The following RPS6KA1 variants were observed in gnomAD, a reference collection of about 807,000 sequenced individuals.
RPS6KA1 encodes ribosomal protein S6 kinase alpha-1.
A neutral mutation model predicts 91.3 loss-of-function variants in RPS6KA1; 48 were observed. That is an observed-to-expected ratio of 0.53 (90% CI 0.42 to 0.67). RPS6KA1 has a LOEUF of 0.67. RPS6KA1 is among the 30% of genes least tolerant of loss of function. The pLI, the probability that RPS6KA1 is intolerant of heterozygous loss-of-function variation, is 0.00. For synonymous variants in RPS6KA1, 359 were observed against 384.7 expected, an observed-to-expected ratio of 0.93 and a Z score of 0.78; for missense variants, 719 against 960.5, an observed-to-expected ratio of 0.75 and a Z score of 3.32.
chr1:26,558,994 C>T lies in RPS6KA1; in HGVS notation c.1215+57C>T. 5 of 1,575,274 alleles carry T rather than the reference C, an allele frequency of 3.2e-6. No individual in the cohort carries two copies. Among genetic ancestry groups the T allele is most frequent in the Non-Finnish European group, 4.3e-6 (5 of 1,153,038 alleles). On this transcript the variant is annotated intron_variant, in intron 14 of 21. Coordinates refer to ENST00000374168, the MANE Select transcript of RPS6KA1 (RefSeq NM_002953.4). This position sits in a 1 kb window ranked among gnomAD's most constrained non-coding sequence, Gnocchi z 4.0. ...TCCTTTTCTAAAGAATGGCTGAGTA[C>T]ACAGGCTCTGAGTTGGACAGAACCA...
Position 26,557,001 on chromosome 1 carries a change from C to A in RPS6KA1, c.985C>A (p.Leu329Ile). The A allele has an allele frequency of 1.2e-6, 2 of 1,613,494 alleles. No individual in the cohort carries two copies. The highest frequency in any genetic ancestry group is 1.7e-6 in the Non-Finnish European group (2 of 1,179,440). Residue 329 changes from leucine (L) to isoleucine (I), a missense_variant, in exon 13 of 22, where the codon CTA becomes ATA. Leu to Ile is a conservative substitution (Grantham distance 5). Coordinates refer to ENST00000374168, the MANE Select transcript of RPS6KA1 (RefSeq NM_002953.4). ...GAGTGCCCACCCCACTGTGCAGAAG[C>A]TATACCGTCGTGAGATCAAGCCACC... ...VFYSTIDWNK[L>I]YRREIKPPFK...
chr1:26,531,337 CA>C (rs1393528440), intron 1 of RPS6KA1: 2 of 152,378 alleles, frequency 1.3e-5, no homozygotes, highest in Non-Finnish European at 2.9e-5. Flanking sequence ...CCTGTACTGC[CA>C]CCCCGCTACT....
rs987402717 is a variant in RPS6KA1 at position 26,551,348 on chromosome 1, C to T, written c.308-49C>T. Reference sequence around the variant, plus strand: ...TCCCTTAGCGGGGGCTTGGGAGTGGCTGTGTTGAGTGTCTAGGCTACTGGT... The same window carrying T: ...TCCCTTAGCGGGGGCTTGGGAGTGGTTGTGTTGAGTGTCTAGGCTACTGGT... On this transcript the variant is annotated intron_variant, in intron 4 of 21. Coordinates refer to ENST00000374168, the MANE Select transcript of RPS6KA1 (RefSeq NM_002953.4). This position sits in a 1 kb window ranked among gnomAD's most constrained non-coding sequence, Gnocchi z 4.5. 2.6e-6 allele frequency: 4 copies of T among 1,529,796 alleles called. No homozygotes were observed. Among genetic ancestry groups the T allele is most frequent in the Non-Finnish European group, 3.6e-6 (4 of 1,104,428 alleles). The allele number at this position is 1,529,796 out of a possible 1,614,324, so 94.8% of individuals were successfully genotyped here. A position where few individuals can be genotyped will look rare whatever the true frequency, so the allele number is the denominator to read the frequency against.
Position 26,555,793 on chromosome 1 carries a change from G to C in RPS6KA1, c.916+168G>C, listed in dbSNP as rs2076096230. 6.6e-6 allele frequency among the ~76,000 whole-genome samples: 1 copy of C among 152,134 alleles called. No individual in the cohort carries two copies. The highest frequency in any genetic ancestry group is 2.1e-4 in the South Asian group (1 of 4,826). Reference sequence around the variant, plus strand: ...TGGCTCCATGTGTGGTGTTGTGGAGGGGGGAGTTGACCTGTGTGTAGGGGG... The same window carrying C: ...TGGCTCCATGTGTGGTGTTGTGGAGCGGGGAGTTGACCTGTGTGTAGGGGG... On this transcript the variant is annotated intron_variant, in intron 11 of 21. Transcript: ENST00000374168. This position sits in a 1 kb window ranked among gnomAD's most constrained non-coding sequence, Gnocchi z 4.3.
In RPS6KA1 at chr1:26,557,000, G is replaced by C. The variant is rs1159161155; in HGVS notation, c.984G>C (p.Lys328Asn). ...AGAGTGCCCACCCCACTGTGCAGAA[G>C]CTATACCGTCGTGAGATCAAGCCAC... Reference protein sequence around the residue: ...HVFYSTIDWNKLYRREIKPPF... With the variant: ...HVFYSTIDWNNLYRREIKPPF... Residue 328 changes from lysine to asparagine, a missense_variant and splice_region_variant, in exon 13 of 22, where the codon AAG becomes AAC. Lys to Asn is a moderately conservative substitution (Grantham distance 94, BLOSUM62 0). Around this residue, in one of 5 missense-constraint regions of RPS6KA1, gnomAD observed 228 missense variants for 247.6 expected, o/e 0.92. Coordinates refer to ENST00000374168, the MANE Select transcript of RPS6KA1 (RefSeq NM_002953.4). The C allele has an allele frequency of 1.2e-6, 2 of 1,613,416 alleles. No homozygotes were observed. The highest frequency in any genetic ancestry group is 1.3e-5 in the African/African-American group (1 of 74,924).
intron 1 of RPS6KA1, 72 bp from the exon 2 acceptor site, chr1:26,536,853 T>C: frequency 1.3e-6 from 2 of 1,555,108 alleles, no homozygotes. Flanking sequence ...AGGGTGGGGG[T>C]GCCCCACAGA....
rs749983333 is a variant in RPS6KA1, at chr1:26,540,243, A to G, written c.108+3274A>G. ...TAGAAACAATCTGAGAGTGGAGCATATTGTTCTAACCTTCATTTTACAGAG... is the reference window on the plus strand; with the variant it reads ...TAGAAACAATCTGAGAGTGGAGCATGTTGTTCTAACCTTCATTTTACAGAG... On this transcript the variant is annotated intron_variant, in intron 2 of 21. Transcript: ENST00000374168. This position sits in a 1 kb window ranked among gnomAD's most constrained non-coding sequence, Gnocchi z 4.2. Among the ~76,000 whole-genome samples, 4 of 152,126 alleles carry G rather than the reference A, an allele frequency of 2.6e-5. No homozygotes were observed. The highest frequency in any genetic ancestry group is 5.9e-5 in the Non-Finnish European group (4 of 68,026).
chr1:26,546,066 T>C, intron 2 of RPS6KA1: 1 of 1,606,036 alleles, frequency 6.2e-7, no homozygotes, highest in East Asian at 2.3e-5. Context: ...GGTCCTGACC[T>C]GGCTGTGTCC....
At chr1:26,546,227 A>C (rs2075993619) in intron 2 of RPS6KA1, among the ~76,000 whole-genome samples, 1 of 152,200 alleles carries the variant, frequency 6.6e-6, no homozygotes, top group African/African-American at 2.4e-5. Context: ...CAATGGCAGC[A>C]GATTGGAGGG....
At chr1:26,553,733 C>A in intron 7 of RPS6KA1, 1 of 310,878 alleles carries the variant, frequency 3.2e-6, no homozygotes, top group Non-Finnish European at 6.0e-6. Flanking sequence ...TTTTGCTAAT[C>A]TAGTGTGACA....
chr1:26,573,163 C>T (rs1307419389), intron 20 of RPS6KA1, 61 bp from the exon 21 acceptor site: 6 of 1,565,324 alleles, frequency 3.8e-6, no homozygotes, highest in East Asian at 4.5e-5. Flanking sequence ...CCTCCTGTGC[C>T]CCATCAGGGG....
Position 26,554,995 on chromosome 1 carries a change from G to A in RPS6KA1, c.757-156G>A, listed in dbSNP as rs923756475. 6.6e-6 allele frequency among the ~76,000 whole-genome samples: 1 copy of A among 152,216 alleles called. No homozygotes were observed. The highest frequency in any genetic ancestry group is 1.5e-5 in the Non-Finnish European group (1 of 68,050). On this transcript the variant is annotated intron_variant, in intron 9 of 21. Coordinates refer to ENST00000374168, the MANE Select transcript of RPS6KA1 (RefSeq NM_002953.4). This position sits in a 1 kb window ranked among gnomAD's most constrained non-coding sequence, Gnocchi z 4.6. ...ACCGCTGCTCCTGGTGGTCTGGTTG[G>A]CAGAGGCAAGAGGGACGGGCATAAT...
chr1:26,550,146 T>A (rs914099744), intron 4 of RPS6KA1, among the ~76,000 whole-genome samples: 10 of 151,242 alleles, frequency 6.6e-5, no homozygotes, highest in African/African-American at 2.4e-4. Flanking sequence ...CCCAAAGTGC[T>A]AGTATTACAG....
intron 14 of RPS6KA1, among the ~76,000 whole-genome samples, chr1:26,559,533 A>ATT (rs1427275066): frequency 1.1e-4 from 15 of 137,346 alleles, no homozygotes; most frequent in Non-Finnish European, 9.5e-5. Flanking sequence ...CACCCAGCTA[A>ATT]TTTTTTTTTT....
chr1:26,566,286 T>TTC (rs2076201072), intron 17 of RPS6KA1, among the ~76,000 whole-genome samples: 1 of 144,356 alleles, frequency 6.9e-6, no homozygotes, highest in African/African-American at 2.6e-5. Flanking sequence ...TAGCTTTTTT[T>TTC]TTTTTTTTTT....
chr1:26,569,183 A>AG (rs2076229347), intron 17 of RPS6KA1, among the ~76,000 whole-genome samples: 1 of 151,694 alleles, frequency 6.6e-6, no homozygotes, highest in Non-Finnish European at 1.5e-5. Flanking sequence ...AAAAAAAAAA[A>AG]GAAAATTGTC....
chr1:26,553,667 A>T (rs2076073947), intron 7 of RPS6KA1, 170 bp downstream of exon 7: 1 of 444,636 alleles, frequency 2.2e-6, no homozygotes, highest in Non-Finnish European at 4.1e-6. Context: ...CCAGTCACTA[A>T]TGCTACCATT....
chr1:26,550,180 A>ATT lies in RPS6KA1; in HGVS notation c.308-1197_308-1196dup, dbSNP rs749615792. Among the ~76,000 whole-genome samples the ATT allele has an allele frequency of 2.6e-3, 275 of 106,252 alleles. 1 individual carries two copies. Among genetic ancestry groups the ATT allele is most frequent in the East Asian group, 0.012 (40 of 3,458 alleles). The allele number at this position is 106,252 out of a possible 152,430, so 69.7% of individuals were successfully genotyped here. A position where few individuals can be genotyped will look rare whatever the true frequency, so the allele number is the denominator to read the frequency against. On this transcript the variant is annotated intron_variant, in intron 4 of 21. Coordinates refer to ENST00000374168, the MANE Select transcript of RPS6KA1 (RefSeq NM_002953.4). ...AGGCATGAGCCACCACGCCTGGCCA[A>ATT]TTTTTTTTTTTTTTTTTTTTTGAGG...
chr1:26,544,964 A>G (rs2075979388), intron 2 of RPS6KA1, among the ~76,000 whole-genome samples: 1 of 151,578 alleles, frequency 6.6e-6, no homozygotes, highest in Non-Finnish European at 1.5e-5. Context: ...GCCTACACAC[A>G]TTGGGGATGA....
Sources: allele counts gnomAD v4.1 joint callset (sites outside exome capture counted in the v4.1 genomes callset), GRCh38; gene constraint gnomAD v4.1.1; regional missense constraint gnomAD v4.1.1; non-coding constraint Gnocchi (gnomAD v3.1); transcripts MANE v1.5; gene names NCBI Gene and HGNC (gene_info 2026-07-23, HGNC 2026-07-21).